DNAH8: variants seen among roughly 807,000 people sequenced by gnomAD.
DNAH8 encodes the protein axonemal beta dynein heavy chain 8.
Under a neutral mutation model 562.1 loss-of-function variants are expected in DNAH8, and 382 were observed. That is an observed-to-expected ratio of 0.68 (90% confidence interval 0.63 to 0.74). The LOEUF is 0.74. Among genes scored for constraint, DNAH8 ranks in the 30% least tolerant of loss-of-function variants. The pLI, the probability that DNAH8 is intolerant of heterozygous loss-of-function variation, is 0.00. For missense variants in DNAH8, 5,203 were observed against 5,620.4 expected (o/e 0.93, Z 2.37); for synonymous variants, 1,881 against 1,919.4 (o/e 0.98, Z 0.52).
chr6:38,911,205 G>A (rs1196141679), intron 65 of DNAH8, among the ~76,000 whole-genome samples: 1 of 152,164 alleles, frequency 6.6e-6, no homozygotes, highest in Non-Finnish European at 1.5e-5. Context: ...ATTCTGGGAG[G>A]GGTAGAGCAG....
intron 82 of DNAH8, among the ~76,000 whole-genome samples, chr6:38,963,624 C>CCACA (rs2150671125): frequency 7.4e-6 from 1 of 135,782 alleles, no homozygotes; most frequent in South Asian, 2.6e-4. Flanking sequence ...CCTTGGCCTG[C>CCACA]CACAGTGCTG....
chr6:39,003,573 CTG>C (rs1345350437), intron 88 of DNAH8, among the ~76,000 whole-genome samples: 3 of 152,246 alleles, frequency 2.0e-5, no homozygotes, highest in East Asian at 1.9e-4. Flanking sequence ...TAGTTTTTTT[CTG>C]TGTCTATAAG....
intron 1 of DNAH8, among the ~76,000 whole-genome samples, chr6:38,715,958 A>ATTT (rs1454056787): frequency 3.2e-4 from 10 of 31,046 alleles, no homozygotes; most frequent in Non-Finnish European, 5.0e-4. Context: ...ATATATATAT[A>ATTT]TATTTTTTTT....
intron 10 of DNAH8, among the ~76,000 whole-genome samples, chr6:38,757,312 A>G (rs947558672): frequency 2.0e-5 from 3 of 152,190 alleles, no homozygotes; most frequent in African/African-American, 7.2e-5. Flanking sequence ...GGCTGCATAA[A>G]TGTCTTCTTT....
intron 88 of DNAH8, among the ~76,000 whole-genome samples, chr6:38,997,535 T>G (rs1267431135): frequency 6.6e-6 from 1 of 152,058 alleles, no homozygotes; most frequent in Non-Finnish European, 1.5e-5. Context: ...CATGTTGAGC[T>G]GGGAAAGAAC....
chr6:38,871,439 C>A (rs564464699), intron 49 of DNAH8, among the ~76,000 whole-genome samples: 1 of 152,082 alleles, frequency 6.6e-6, no homozygotes, highest in Non-Finnish European at 1.5e-5. Context: ...AAAATTCTTG[C>A]CATCTCAATG....
At chr6:38,836,751 G>T (rs1279291006) in intron 32 of DNAH8, among the ~76,000 whole-genome samples, 1 of 152,048 alleles carries the variant, frequency 6.6e-6, no homozygotes, top group Non-Finnish European at 1.5e-5. Context: ...CTTATATTGG[G>T]CCTTGGGTCC....
intron 12 of DNAH8, among the ~76,000 whole-genome samples, chr6:38,774,489 C>A (rs1487595135): frequency 6.6e-6 from 1 of 152,184 alleles, no homozygotes; most frequent in Non-Finnish European, 1.5e-5. Context: ...ATTCCCACAG[C>A]TGGCTTTATG....
intron 53 of DNAH8, among the ~76,000 whole-genome samples, chr6:38,876,262 T>C (rs1379167110): frequency 6.6e-6 from 1 of 152,172 alleles, no homozygotes; most frequent in Non-Finnish European, 1.5e-5. Flanking sequence ...TCCAGCGCTG[T>C]CACCTTAGCC....
intron 40 of DNAH8, 100 bp downstream of exon 40, chr6:38,852,898 G>A: frequency 1.1e-6 from 1 of 895,766 alleles, no homozygotes; most frequent in Non-Finnish European, 1.7e-6. Flanking sequence ...AGGAGAGGGA[G>A]TTCTCATTCT....
At chr6:38,996,444 G>T (rs1360804103) in intron 88 of DNAH8, among the ~76,000 whole-genome samples, 1 of 152,124 alleles carries the variant, frequency 6.6e-6, no homozygotes, top group African/African-American at 2.4e-5. Flanking sequence ...ATGTCTTTCA[G>T]ACAGCTTGAC....
chr6:39,012,224 C>T lies in DNAH8; in HGVS notation c.13381C>T (p.Arg4461Cys), dbSNP rs143714496. The change falls in exon 90 of 93, where the codon CGT becomes TGT. Residue 4461 changes from arginine to cysteine, a missense_variant. Physicochemically the swap from Arg to Cys is radical, Grantham distance 180. Transcript: ENST00000327475. The part of the protein sequence containing the change: ...PDYIPHEVKS[R>C]LIKMGHLNSM... ...GTTTACTTTGTTTTAGGTGAAATCT[C>T]GTTTGATAAAGATGGGCCATCTTAA... 4,863 of 1,602,132 alleles carry T rather than the reference C, an allele frequency of 3.0e-3. 11 individuals carry two copies. The highest frequency in any genetic ancestry group is 3.8e-3 in the Non-Finnish European group (4,405 of 1,172,234).
intron 1 of DNAH8, among the ~76,000 whole-genome samples, chr6:38,721,125 A>C (rs1043376681): frequency 6.6e-6 from 1 of 152,166 alleles, no homozygotes. Context: ...CAGTCTGAGC[A>C]ACAGAGTGAA....
In DNAH8 at chr6:38,779,934, C is replaced by T. The variant is rs1026540020; in HGVS notation, c.2040-32C>T. The T allele has an allele frequency of 4.4e-6, 7 of 1,587,146 alleles. No homozygotes were observed. In the African/African-American group the frequency reaches 6.7e-5, roughly 15 times the overall value. ...AAGTCTTAAGTATATTTCTCATTTA[C>T]TTTTTAACCATTCAGCTTTGATTAC... On this transcript the variant is annotated intron_variant, in intron 14 of 92. Coordinates refer to ENST00000327475, the MANE Select transcript of DNAH8 (RefSeq NM_001206927.2).
chr6:38,966,587 G>A, intron 82 of DNAH8, among the ~76,000 whole-genome samples: 1 of 152,200 alleles, frequency 6.6e-6, no homozygotes. Context: ...TCTCAACAAA[G>A]TATTATCAAA....
Position 38,850,322 on chromosome 6 carries a change from T to C in DNAH8, c.5271T>C (p.Asn1757=), listed in dbSNP as rs1046916547. The change falls in exon 38 of 93, where the codon AAT becomes AAC. Residue 1757 remains asparagine (N), a synonymous_variant. Transcript: ENST00000327475. The part of the protein sequence containing the change: ...KIMQRAHENP[N]VINCCVGDET... ...TGCAGCGAGCTCATGAGAATCCCAA[T>C]GTGATTAATTGCTGTGTTGGAGATG... 5 of 1,613,694 alleles carry C rather than the reference T, an allele frequency of 3.1e-6. No individual in the cohort carries two copies. Among genetic ancestry groups the C allele is most frequent in the Non-Finnish European group, 4.2e-6 (5 of 1,179,660 alleles).
chr6:38,947,558 C>T (rs774381374), intron 80 of DNAH8, among the ~76,000 whole-genome samples: 9 of 152,174 alleles, frequency 5.9e-5, no homozygotes, highest in Non-Finnish European at 1.2e-4. Flanking sequence ...AATAGTCATC[C>T]GCTTTCTTCC....
chr6:38,834,419 A>G (rs1774106361), intron 31 of DNAH8, among the ~76,000 whole-genome samples, 160 bp from the exon 32 acceptor site: 1 of 152,184 alleles, frequency 6.6e-6, no homozygotes, highest in African/African-American at 2.4e-5. Flanking sequence ...ATCTCAATAA[A>G]GCTGTTAGAA....
intron 21 of DNAH8, among the ~76,000 whole-genome samples, chr6:38,793,908 T>C (rs1227995425): frequency 1.3e-5 from 2 of 152,232 alleles, no homozygotes; most frequent in Non-Finnish European, 2.9e-5. Context: ...TCCTGTTTTT[T>C]ACAGTTTTGG....
Sources: allele counts gnomAD v4.1 joint callset (sites outside exome capture counted in the v4.1 genomes callset), GRCh38; gene constraint gnomAD v4.1.1; transcripts MANE v1.5; gene names NCBI Gene and HGNC (gene_info 2026-07-23, HGNC 2026-07-21).